GRB10: variants seen among roughly 807,000 people sequenced by gnomAD.
GRB10 encodes growth factor receptor-bound protein 10.
In GRB10, 20 loss-of-function variants were observed where a neutral mutation model predicts 80.9. The ratio of observed to expected loss-of-function variants is 0.25; its 90% CI spans 0.17 to 0.36. The LOEUF (loss-of-function observed/expected upper bound fraction) is 0.36, where lower values mean the gene tolerates loss of function less well. Among genes scored for constraint, GRB10 ranks in the 10% least tolerant of loss-of-function variants. The pLI is 1.00. For missense variants in GRB10, 548 were observed against 747.7 expected (o/e 0.73, Z 3.12); for synonymous variants, 291 against 291.5 (o/e 1.00, Z 0.02).
chr7:50,723,018 C>G (rs2068009521), intron 4 of GRB10, among the ~76,000 whole-genome samples: 1 of 152,004 alleles, frequency 6.6e-6, no homozygotes, highest in Non-Finnish European at 1.5e-5. Context: ...CCTCAAAGAC[C>G]AATTTAATTG....
intron 5 of GRB10, among the ~76,000 whole-genome samples, chr7:50,678,366 A>G (rs1199285658): frequency 6.6e-6 from 1 of 152,242 alleles, no homozygotes; most frequent in Non-Finnish European, 1.5e-5. Flanking sequence ...GTAACTCAAT[A>G]GGTTATAATC....
intron 4 of GRB10, among the ~76,000 whole-genome samples, chr7:50,723,348 T>C (rs1399696538): frequency 1.3e-5 from 2 of 152,220 alleles, no homozygotes; most frequent in African/African-American, 2.4e-5. Flanking sequence ...CCCGGCTATG[T>C]CTTACACACT....
At position 50,658,839 on chromosome 7, in the gene GRB10, G is replaced by A. The variant is rs140403340; in HGVS notation, c.504+10883C>T. 2.8e-3 allele frequency among the ~76,000 whole-genome samples: 434 copies of A among 152,288 alleles called. 5 individuals carry two copies. Among genetic ancestry groups the A allele is most frequent in the Admixed American group, 0.02 (300 of 15,300 alleles). ...GTCTGCTCCAGGTCACGACTGCCTC[G>A]CTGCAATTGCATCACTTGCTCTGAT... On this transcript the variant is annotated intron_variant, in intron 7 of 18. Transcript: ENST00000401949.
intron 3 of GRB10, among the ~76,000 whole-genome samples, chr7:50,733,195 A>C (rs906257435): frequency 6.6e-6 from 1 of 152,204 alleles, no homozygotes; most frequent in Non-Finnish European, 1.5e-5. Context: ...AGAGAAGACC[A>C]TGTCAGGACA....
At chr7:50,599,777 C>T (rs924955670) in intron 17 of GRB10, among the ~76,000 whole-genome samples, 3 of 152,206 alleles carry the variant, frequency 2.0e-5, no homozygotes, top group Non-Finnish European at 4.4e-5. Flanking sequence ...GAAAGACAAA[C>T]ATGGCTGGGG....
chr7:50,655,809 G>A (rs1418879262), intron 7 of GRB10, among the ~76,000 whole-genome samples: 1 of 152,178 alleles, frequency 6.6e-6, no homozygotes, highest in African/African-American at 2.4e-5. Context: ...ACCATCCAGG[G>A]TGCCTGTGCC....
chr7:50,719,466 T>C (rs1229754643), intron 4 of GRB10, among the ~76,000 whole-genome samples: 1 of 150,696 alleles, frequency 6.6e-6, no homozygotes, highest in Admixed American at 6.6e-5. Context: ...TAAGCGGCAG[T>C]TGAACAATGA....
intron 17 of GRB10, among the ~76,000 whole-genome samples, chr7:50,597,364 G>A (rs1190541653): frequency 3.3e-5 from 5 of 152,252 alleles, no homozygotes; most frequent in African/African-American, 4.8e-5. Context: ...ACGCGGCACC[G>A]CCAGAGAGAA....
At chr7:50,725,853 T>G (rs569852498) in intron 4 of GRB10, among the ~76,000 whole-genome samples, 30 of 152,256 alleles carry the variant, frequency 2.0e-4, no homozygotes, top group African/African-American at 7.2e-4. Context: ...GATAATCAAC[T>G]CTAGCACCCC....
At position 50,714,629 on chromosome 7, in the gene GRB10, C is replaced by T. The variant is rs530254523; in HGVS notation, c.52-10721G>A. ...AGTGAGCCGAGATTGCACCACTGCA[C>T]TCCAGCCTGGGCTACATAGCGAGAC... is the stretch of plus-strand genomic sequence containing the variant. On this transcript the variant is annotated intron_variant, in intron 4 of 18. Transcript: ENST00000401949. Among the ~76,000 whole-genome samples, 4 of 151,664 alleles carry T rather than the reference C, an allele frequency of 2.6e-5. No individual in the cohort carries two copies. In the South Asian group the frequency reaches 8.4e-4, roughly 32 times the overall value.
At chr7:50,716,680 A>G (rs1469889563) in intron 4 of GRB10, among the ~76,000 whole-genome samples, 1 of 152,212 alleles carries the variant, frequency 6.6e-6, no homozygotes, top group Non-Finnish European at 1.5e-5. Context: ...ACAGGAGATG[A>G]AAAATATGTG....
At chr7:50,709,122 T>C (rs992960198) in intron 4 of GRB10, among the ~76,000 whole-genome samples, 1 of 152,186 alleles carries the variant, frequency 6.6e-6, no homozygotes, top group African/African-American at 2.4e-5. Context: ...CCACATGCTT[T>C]AGAAAAACTT....
intron 5 of GRB10, among the ~76,000 whole-genome samples, chr7:50,677,518 A>G (rs760587149): frequency 1.3e-5 from 2 of 152,188 alleles, no homozygotes; most frequent in Non-Finnish European, 2.9e-5. Flanking sequence ...TCAGTTCTGT[A>G]TTTATTGAGA....
In GRB10 at chr7:50,669,777, C is replaced by T; in HGVS notation, c.449G>A (p.Ser150Asn). The change falls in exon 7 of 19, where the codon AGC becomes AAC. Residue 150 changes from serine to asparagine, a missense_variant. Ser to Asn is a conservative substitution (Grantham distance 46). Around this residue, in one of 4 missense-constraint regions of GRB10, gnomAD observed 245 missense variants for 229.3 expected, o/e 1.07. Coordinates refer to ENST00000401949, the MANE Select transcript of GRB10 (RefSeq NM_001350814.2). ...AGAACCCGGCGTGAGCACAGGGGGG[C>T]TCCCAGGGCCACAGAGTTCAGGAAA... ...NPFPELCGPG[S>N]PPVLTPGSLP... 1 of 1,614,018 alleles carries T rather than the reference C, an allele frequency of 6.2e-7. No individual in the cohort carries two copies.
chr7:50,610,059 A>G (rs778997781), intron 13 of GRB10, among the ~76,000 whole-genome samples: 30 of 152,174 alleles, frequency 2.0e-4, no homozygotes, highest in Non-Finnish European at 3.7e-4. Flanking sequence ...AGATGGTAAA[A>G]GGGCCCTGTC....
chr7:50,720,571 C>A (rs1479487314), intron 4 of GRB10, among the ~76,000 whole-genome samples: 1 of 152,096 alleles, frequency 6.6e-6, no homozygotes, highest in Non-Finnish European at 1.5e-5. Context: ...ACACTTAAAA[C>A]CCCAAGGAAA....
intron 7 of GRB10, among the ~76,000 whole-genome samples, chr7:50,630,511 A>C (rs915607579): frequency 6.6e-6 from 1 of 152,214 alleles, no homozygotes; most frequent in African/African-American, 2.4e-5. Flanking sequence ...GGCAGGCTCC[A>C]GCTGAAGGCC....
At chr7:50,732,579 A>G (rs1050391267) in intron 3 of GRB10, among the ~76,000 whole-genome samples, 9 of 152,190 alleles carry the variant, frequency 5.9e-5, no homozygotes, top group Non-Finnish European at 1.3e-4. Flanking sequence ...CTGTGAGGTC[A>G]AAAGTCTGTG....
At chr7:50,747,927 G>A (rs2153699559) in intron 3 of GRB10, among the ~76,000 whole-genome samples, 1 of 152,222 alleles carries the variant, frequency 6.6e-6, no homozygotes, top group South Asian at 2.1e-4. Context: ...TAGAAGGCAA[G>A]ATGCATGCAC....
Sources: gnomAD v4.1 joint callset for allele counts (sites outside exome capture counted in the v4.1 genomes callset) on GRCh38, gnomAD v4.1.1 for gene constraint, gnomAD v4.1.1 regional missense constraint, MANE v1.5 for transcripts, NCBI Gene and HGNC (gene_info 2026-07-23, HGNC 2026-07-21) for gene names.